The following TMEM178B variants were observed in gnomAD, a reference collection of about 807,000 sequenced individuals.
The protein encoded by TMEM178B is transmembrane protein 178B.
TMEM178B carries 5 observed loss-of-function variants against 31.0 expected under a neutral mutation model. The ratio of observed to expected loss-of-function variants is 0.16; its 90% confidence interval spans 0.08 to 0.34. TMEM178B has a LOEUF of 0.34. TMEM178B is among the 10% of genes least tolerant of loss of function. The pLI is 1.00. For missense variants in TMEM178B, 275 were observed against 400.3 expected (o/e 0.69, Z 2.67); for synonymous variants, 164 against 164.0 (o/e 1.00, Z 0.00).
At chr7:141,135,314 A>C (rs966640745) in intron 1 of TMEM178B, among the ~76,000 whole-genome samples, 3 of 152,226 alleles carry the variant, frequency 2.0e-5, no homozygotes, top group Non-Finnish European at 4.4e-5. Context: ...TCAGCATTGG[A>C]TAGATCATCT....
At chr7:141,254,530 T>C (rs1860810) in intron 2 of TMEM178B, among the ~76,000 whole-genome samples, 66,027 of 151,886 alleles carry the variant, frequency 0.43, 14,581 homozygotes, top group East Asian at 0.67. Context: ...CCAGCCCGGC[T>C]AACATGGTGA....
At chr7:141,301,583 T>C (rs2116441998) in intron 2 of TMEM178B, among the ~76,000 whole-genome samples, 1 of 152,274 alleles carries the variant, frequency 6.6e-6, no homozygotes. Flanking sequence ...ATTTAGATCG[T>C]TCCTGTTGTG....
intron 2 of TMEM178B, among the ~76,000 whole-genome samples, chr7:141,320,783 A>G (rs1799084113): frequency 6.6e-6 from 1 of 152,178 alleles, no homozygotes; most frequent in Admixed American, 6.5e-5. Flanking sequence ...ACAGAAAGGA[A>G]ACTGAGGCAT....
At chr7:141,487,197 T>C in the TMEM178B span, among the ~76,000 whole-genome samples, 1 of 152,184 alleles carries the variant, frequency 6.6e-6, no homozygotes, top group Admixed American at 6.5e-5. Flanking sequence ...TTCTTCCTTA[T>C]AGCTCAGCTT....
intron 1 of TMEM178B, among the ~76,000 whole-genome samples, chr7:141,106,479 A>G (rs942684964): frequency 6.6e-6 from 1 of 152,206 alleles, no homozygotes; most frequent in Non-Finnish European, 1.5e-5. Context: ...CCCACCCTTC[A>G]TTTCCCCTAG....
In TMEM178B at chr7:141,365,187, C is replaced by T. The variant is rs116850524; in HGVS notation, c.497-72421C>T. On this transcript the variant is annotated intron_variant, in intron 2 of 3. Transcript: ENST00000565468. ...GGTAAATGCAGCTTTGAGAATGCTC[C>T]CTCTTTCCAACCACATTGCTGTCTT... Among the ~76,000 whole-genome samples, 633 of 152,292 alleles carry T rather than the reference C, an allele frequency of 4.2e-3. 1 individual carries two copies. The highest frequency in any genetic ancestry group is 7.4e-3 in the Non-Finnish European group (506 of 68,034).
At chr7:141,247,953 C>G (rs560694454) in intron 2 of TMEM178B, among the ~76,000 whole-genome samples, 2 of 152,060 alleles carry the variant, frequency 1.3e-5, no homozygotes, top group Non-Finnish European at 2.9e-5. Context: ...GTCTGGCACC[C>G]CTCCAGGCCC....
intron 2 of TMEM178B, among the ~76,000 whole-genome samples, chr7:141,314,001 A>G (rs1798958326): frequency 6.6e-6 from 1 of 152,202 alleles, no homozygotes; most frequent in African/African-American, 2.4e-5. Context: ...TCTGAGAGCA[A>G]TGAGGTGAAA....
chr7:141,152,979 T>A (rs938511083), intron 1 of TMEM178B, among the ~76,000 whole-genome samples: 2 of 152,120 alleles, frequency 1.3e-5, no homozygotes, highest in Admixed American at 1.3e-4. Context: ...GAAAAGGAGG[T>A]GCAGAGAAAG....
intron 1 of TMEM178B, among the ~76,000 whole-genome samples, chr7:141,190,916 T>A (rs1796686922): frequency 6.6e-6 from 1 of 152,222 alleles, no homozygotes; most frequent in Non-Finnish European, 1.5e-5. Context: ...TTCCCTTTTT[T>A]TTACATAAAT....
the TMEM178B span, among the ~76,000 whole-genome samples, chr7:141,496,762 T>C: frequency 7.1e-6 from 1 of 141,580 alleles, no homozygotes; most frequent in Non-Finnish European, 1.5e-5. Context: ...CTCCAAAATA[T>C]GGAATTACTG....
At chr7:141,104,462 A>T (rs1421292288) in intron 1 of TMEM178B, among the ~76,000 whole-genome samples, 1 of 152,094 alleles carries the variant, frequency 6.6e-6, no homozygotes, top group Non-Finnish European at 1.5e-5. Context: ...TAAAAATGCA[A>T]TTTGGCATTC....
chr7:141,198,286 G>A (rs1244435256), intron 1 of TMEM178B, among the ~76,000 whole-genome samples: 2 of 152,212 alleles, frequency 1.3e-5, no homozygotes, highest in African/African-American at 4.8e-5. Flanking sequence ...ATACCTGGGG[G>A]AGGCAGACTT....
intron 3 of TMEM178B, among the ~76,000 whole-genome samples, chr7:141,459,842 C>T (rs939719901): frequency 6.6e-6 from 1 of 151,764 alleles, no homozygotes; most frequent in East Asian, 2.0e-4. Flanking sequence ...TCCAGGGCCA[C>T]TGATCTTGTG....
rs1799585835 is a variant in TMEM178B at position 141,344,619 on chromosome 7, CCTT to C, written c.497-92987_497-92985del. 1.3e-5 allele frequency among the ~76,000 whole-genome samples: 2 copies of C among 149,672 alleles called. No individual in the cohort carries two copies. The highest frequency in any genetic ancestry group is 3.0e-5 in the Non-Finnish European group (2 of 67,494). On this transcript the variant is annotated intron_variant, in intron 2 of 3. Transcript: ENST00000565468. This position sits in a 1 kb window ranked among gnomAD's most constrained non-coding sequence, Gnocchi z 4.1. The stretch of plus-strand genomic sequence containing the variant: ...TCCTTCCTTCCTTCCTTCCTTCCTT[CCTT>C]CCTTCCTCCCTTCCTTCTTCCCTTC...
intron 2 of TMEM178B, among the ~76,000 whole-genome samples, chr7:141,224,918 G>A (rs1797316572): frequency 6.6e-6 from 1 of 152,194 alleles, no homozygotes; most frequent in African/African-American, 2.4e-5. Flanking sequence ...TGGAAGTGGA[G>A]TGACCTTGAG....
At chr7:141,203,044 C>T (rs898792034) in intron 1 of TMEM178B, among the ~76,000 whole-genome samples, 3 of 152,200 alleles carry the variant, frequency 2.0e-5, no homozygotes, top group Non-Finnish European at 4.4e-5. Context: ...CCACCCAACT[C>T]TCGTGGTCTT....
intron 1 of TMEM178B, among the ~76,000 whole-genome samples, chr7:141,143,356 A>G (rs187481502): frequency 2.6e-5 from 4 of 152,302 alleles, no homozygotes; most frequent in Non-Finnish European, 1.5e-5. Flanking sequence ...GAAGTCTTAC[A>G]TTTAAATCTT....
intron 2 of TMEM178B, among the ~76,000 whole-genome samples, chr7:141,299,508 G>C (rs1441995891): frequency 6.6e-6 from 1 of 152,086 alleles, no homozygotes; most frequent in Non-Finnish European, 1.5e-5. Flanking sequence ...CTTCCCTCAG[G>C]GCCTCCCTTC....
Sources: gnomAD v4.1 joint callset for allele counts (sites outside exome capture counted in the v4.1 genomes callset) on GRCh38, gnomAD v4.1.1 for gene constraint, Gnocchi (gnomAD v3.1) non-coding constraint, MANE v1.5 for transcripts, NCBI Gene and HGNC (gene_info 2026-07-23, HGNC 2026-07-21) for gene names.